NDE1: variants seen among roughly 807,000 people sequenced by gnomAD.
The protein encoded by NDE1 is nudE neurodevelopment protein 1.
A neutral mutation model predicts 43.4 loss-of-function variants in NDE1; 28 were observed. The ratio of observed to expected loss-of-function variants is 0.65; its 90% CI spans 0.48 to 0.89. The LOEUF is 0.89. Among genes scored for constraint, NDE1 ranks in the 40% least tolerant of loss-of-function variants. The probability of loss-of-function intolerance (pLI) is 0.00; values close to 1 mark genes in which losing one functional copy is unlikely to be tolerated. For missense variants in NDE1, 441 were observed against 434.1 expected (o/e 1.02, Z -0.14); for synonymous variants, 184 against 172.0 (o/e 1.07, Z -0.55).
At chr16:15,703,970 T>G in intron 8 of NDE1, 1 of 1,613,986 alleles carries the variant, frequency 6.2e-7, no homozygotes, top group Non-Finnish European at 8.5e-7. Context: ...CTTGCCGTGG[T>G]GCAAAACTGT....
At chr16:15,712,825 A>C (rs1188344974) in intron 8 of NDE1, 1 of 144,972 alleles carries the variant, frequency 6.9e-6, no homozygotes, top group Non-Finnish European at 1.5e-5. Flanking sequence ...CACCCATGGG[A>C]GGCTTCTGGG....
intron 8 of NDE1, among the ~76,000 whole-genome samples, chr16:15,722,499 A>C (rs1259804857): frequency 6.6e-6 from 1 of 152,248 alleles, no homozygotes; most frequent in Non-Finnish European, 1.5e-5. Context: ...TGGCACAGTC[A>C]ACACAAAAAT....
At chr16:15,708,188 C>T (rs2039568912) in intron 8 of NDE1, among the ~76,000 whole-genome samples, 1 of 152,172 alleles carries the variant, frequency 6.6e-6, no homozygotes, top group Admixed American at 6.6e-5. Context: ...CTAGACATCA[C>T]TCAAGCCACG....
chr16:15,685,857 AG>A (rs1336320277), intron 4 of NDE1, among the ~76,000 whole-genome samples: 1 of 152,140 alleles, frequency 6.6e-6, no homozygotes, highest in African/African-American at 2.4e-5. Context: ...AGGTTGTGTA[AG>A]GTCTGGGGAC....
At chr16:15,663,216 C>T (rs544221206) in intron 1 of NDE1, among the ~76,000 whole-genome samples, 84 of 152,006 alleles carry the variant, frequency 5.5e-4, no homozygotes, top group South Asian at 1.0e-3. Flanking sequence ...GCTCAATTAC[C>T]ATTGCCTTCC....
intron 1 of NDE1, among the ~76,000 whole-genome samples, chr16:15,656,662 T>A (rs2036782737): frequency 6.6e-6 from 1 of 152,122 alleles, no homozygotes; most frequent in Non-Finnish European, 1.5e-5. Context: ...TGTTTCAGCC[T>A]CCTGAGTAGA....
intron 8 of NDE1, chr16:15,714,739 CAG>C (rs1243358297): frequency 5.0e-5 from 43 of 860,366 alleles, no homozygotes; most frequent in Non-Finnish European, 7.1e-5. Flanking sequence ...GGTCTGATCT[CAG>C]TGCCTGGCCC....
rs373361676 is a variant in NDE1, at chr16:15,694,274, T to C, written c.795+18T>C. On this transcript the variant is annotated intron_variant, in intron 7 of 8. Coordinates refer to ENST00000396354, the MANE Select transcript of NDE1 (RefSeq NM_017668.3). ...AAGTCGGGGTAAGACCACACTTTCC[T>C]GGCGTTTGGTGCCTTCCTGCCTGTC... 3.7e-6 allele frequency: 6 copies of C among 1,610,656 alleles called. No homozygotes were observed. The highest frequency in any genetic ancestry group is 5.1e-6 in the Non-Finnish European group (6 of 1,178,740).
intron 7 of NDE1, chr16:15,696,027 A>AT (rs35604810): frequency 1.4e-5 from 2 of 145,446 alleles, no homozygotes; most frequent in Non-Finnish European, 3.0e-5. Flanking sequence ...ATTTTAAAAA[A>AT]TTTTTTGTAA....
At chr16:15,687,276 T>A in intron 4 of NDE1, 99 bp from the exon 5 acceptor site, 1 of 1,602,492 alleles carries the variant, frequency 6.2e-7, no homozygotes, top group Non-Finnish European at 8.5e-7. Flanking sequence ...CTGGGACTTG[T>A]GCCCAGGTGT....
intron 5 of NDE1, among the ~76,000 whole-genome samples, chr16:15,688,771 T>C (rs2038581984): frequency 7.4e-6 from 1 of 136,046 alleles, no homozygotes; most frequent in Admixed American, 7.7e-5. Flanking sequence ...CTATCTCTGC[T>C]CACTGCAACC....
intron 3 of NDE1, among the ~76,000 whole-genome samples, chr16:15,668,523 C>T (rs1291668571): frequency 6.6e-6 from 1 of 152,138 alleles, no homozygotes; most frequent in East Asian, 1.9e-4. Flanking sequence ...CCTTGGCCTC[C>T]CAAATTGCTG....
intron 8 of NDE1, chr16:15,708,873 C>T (rs765589430): frequency 1.0e-5 from 16 of 1,603,450 alleles, no homozygotes; most frequent in Non-Finnish European, 1.4e-5. Context: ...CGGAGGTTAC[C>T]ATCAGCAAAC....
At chr16:15,660,184 A>C (rs946857133) in intron 1 of NDE1, among the ~76,000 whole-genome samples, 8 of 152,146 alleles carry the variant, frequency 5.3e-5, no homozygotes, top group African/African-American at 1.7e-4. Flanking sequence ...TGTTAATAGA[A>C]GTCTGCTTTC....
At chr16:15,709,611 G>A (rs145034893) in intron 8 of NDE1, among the ~76,000 whole-genome samples, 55 of 152,238 alleles carry the variant, frequency 3.6e-4, no homozygotes, top group African/African-American at 1.2e-3. Context: ...CACTGCACCC[G>A]GCTCAGTTTT....
At chr16:15,705,029 G>C (rs796353672) in intron 8 of NDE1, among the ~76,000 whole-genome samples, 1 of 152,186 alleles carries the variant, frequency 6.6e-6, no homozygotes, top group African/African-American at 2.4e-5. Context: ...ACCCAGGCTG[G>C]AGTGCAGTGG....
intron 8 of NDE1, among the ~76,000 whole-genome samples, chr16:15,697,375 C>T (rs1017219719): frequency 6.6e-6 from 1 of 152,108 alleles, no homozygotes; most frequent in Admixed American, 6.6e-5. Context: ...GATTCTACAG[C>T]TGCTACTCAC....
intron 8 of NDE1, among the ~76,000 whole-genome samples, chr16:15,712,539 T>C (rs2039862596): frequency 6.6e-6 from 1 of 151,886 alleles, no homozygotes; most frequent in Non-Finnish European, 1.5e-5. Context: ...GAGGTTGCAG[T>C]GAGCTGAGAT....
intron 4 of NDE1, among the ~76,000 whole-genome samples, chr16:15,679,752 G>A (rs2038078045): frequency 6.6e-6 from 1 of 151,940 alleles, no homozygotes; most frequent in Non-Finnish European, 1.5e-5. Context: ...TTCCCACGTG[G>A]TGTTTCCCAC....
Sources: allele counts gnomAD v4.1 joint callset (sites outside exome capture counted in the v4.1 genomes callset), GRCh38; gene constraint gnomAD v4.1.1; transcripts MANE v1.5; gene names NCBI Gene and HGNC (gene_info 2026-07-23, HGNC 2026-07-21).